IFNG: variants seen among roughly 807,000 people sequenced by gnomAD.
IFNG encodes interferon gamma, also known as IFN-gamma.
In IFNG, 8 loss-of-function variants were observed where a neutral mutation model predicts 14.4. That is an observed-to-expected ratio of 0.56 (90% CI 0.33 to 1.00). IFNG has a LOEUF of 1.00. Ranked by LOEUF, IFNG falls within the 50% of genes least tolerant of loss-of-function variation. IFNG has a pLI of 0.03. For missense variants in IFNG, 132 were observed against 194.9 expected, an observed-to-expected ratio of 0.68 and a Z score of 1.92; for synonymous variants, 73 against 65.4, an observed-to-expected ratio of 1.12 and a Z score of -0.56.
intron 3 of IFNG, among the ~76,000 whole-genome samples, chr12:68,156,715 C>T (rs1882607022): frequency 6.6e-6 from 1 of 152,018 alleles, no homozygotes; most frequent in African/African-American, 2.4e-5. Context: ...ACAGATTTTA[C>T]TTTCCAATGT....
At chr12:68,155,623 ACTT>A in intron 3 of IFNG, 136 bp from the exon 4 acceptor site, 1 of 640,532 alleles carries the variant, frequency 1.6e-6, no homozygotes, top group Non-Finnish European at 2.4e-6. Flanking sequence ...TACAATATTT[ACTT>A]CTTCAGCAGT....
chr12:68,159,397 A>G, intron 1 of IFNG, 105 bp downstream of exon 1: 1 of 588,686 alleles, frequency 1.7e-6, no homozygotes, highest in Non-Finnish European at 3.1e-6. Context: ...ACCAAATCTC[A>G]AAATGACTGC....
At position 68,157,908 on chromosome 12, in the gene IFNG, C is replaced by T. The variant is rs1187505800; in HGVS notation, c.366+5G>A. 1.3e-6 allele frequency: 2 copies of T among 1,583,074 alleles called. No homozygotes were observed. The highest frequency in any genetic ancestry group is 1.7e-6 in the Non-Finnish European group (2 of 1,161,884). ...AAACCAAAGAAAGAATTTAAATAGC[C>T]TCACCGAATAATTAGTCAGCTTTTC... On this transcript the variant is annotated splice_donor_5th_base_variant and intron_variant, in intron 3 of 3. Transcript: ENST00000229135.
chr12:68,158,327 G>C (rs2120747470), intron 1 of IFNG, 68 bp from the exon 2 acceptor site: 1 of 1,064,374 alleles, frequency 9.4e-7, no homozygotes, highest in African/African-American at 1.6e-5. Context: ...TATATTTCAA[G>C]TTTCATTGAA....
In IFNG at chr12:68,158,064, A is replaced by T. The variant is rs564666653; in HGVS notation, c.215T>A (p.Ile72Asn). 6.2e-7 allele frequency: 1 copy of T among 1,605,852 alleles called. No individual in the cohort carries two copies. Among genetic ancestry groups the T allele is most frequent in the East Asian group, 2.2e-5 (1 of 44,680 alleles). The stretch of plus-strand genomic sequence containing the variant: ...AAAAAGTTTGAAGTAAAAGGAGACA[A>T]TTTGGCTCTGCATTATTTTTCTGTC... ...ESDRKIMQSQ[I>N]VSFYFKLFKN... Residue 72 changes from isoleucine to asparagine, a missense_variant, in exon 3 of 4, where the codon ATT (isoleucine) becomes AAT (asparagine). By Grantham distance (149) the Ile-to-Asn change is moderately radical. Coordinates refer to ENST00000229135, the MANE Select transcript of IFNG (RefSeq NM_000619.3).
At position 68,158,110 on chromosome 12, in the gene IFNG, G is replaced by T; in HGVS notation, c.184-15C>A. The T allele has an allele frequency of 6.3e-7, 1 of 1,597,106 alleles. No homozygotes were observed. The highest frequency in any genetic ancestry group is 1.1e-5 in the South Asian group (1 of 88,006). On this transcript the variant is annotated splice_polypyrimidine_tract_variant and intron_variant, in intron 2 of 3. Coordinates refer to ENST00000229135, the MANE Select transcript of IFNG (RefSeq NM_000619.3). Reference sequence around the variant, plus strand: ...CTGTCACTCTCCTTGGAAGGAAAGAGCACAAACAGAGGATGATGTGAATTT... The same window carrying T: ...CTGTCACTCTCCTTGGAAGGAAAGATCACAAACAGAGGATGATGTGAATTT...
At chr12:68,156,026 G>C (rs1400841209) in intron 3 of IFNG, among the ~76,000 whole-genome samples, 1 of 152,148 alleles carries the variant, frequency 6.6e-6, no homozygotes, top group Non-Finnish European at 1.5e-5. Context: ...AGAGATCCAG[G>C]TGCATGAAGT....
chr12:68,159,630 T>C lies in IFNG; in HGVS notation c.-15A>G. 1 of 1,424,230 alleles carries C rather than the reference T, an allele frequency of 7.0e-7. No homozygotes were observed. Among genetic ancestry groups the C allele is most frequent in the Admixed American group, 1.8e-5 (1 of 57,046 alleles). The allele number at this position is 1,424,230 out of a possible 1,614,324, so 88.2% of individuals were successfully genotyped here. A position where few individuals can be genotyped will look rare whatever the true frequency, so the allele number is the denominator to read the frequency against. On this transcript the variant is annotated 5_prime_UTR_variant, in exon 1 of 4. Transcript: ENST00000229135. ...GTATATTTCATCGTTTCCGAGAGAA[T>C]TAAGCCAAAGAAGTTGAAATCAGTA...
At chr12:68,158,465 C>T (rs1882636237) in intron 1 of IFNG, among the ~76,000 whole-genome samples, 1 of 151,848 alleles carries the variant, frequency 6.6e-6, no homozygotes, top group Admixed American at 6.6e-5. Flanking sequence ...TTTTTATTTC[C>T]CAATATAACC....
At chr12:68,157,812 G>C (rs995587207) in intron 3 of IFNG, 101 bp downstream of exon 3, 24 of 870,324 alleles carry the variant, frequency 2.8e-5, no homozygotes, top group Non-Finnish European at 4.1e-5. Context: ...TGAGTTCATA[G>C]CTTTAGCAAC....
Position 68,159,585 on chromosome 12 carries a change from GA to G in IFNG, c.30del (p.Gln11SerfsTer18). 2 of 1,601,544 alleles carry G rather than the reference GA, an allele frequency of 1.2e-6. No homozygotes were observed. The highest frequency in any genetic ancestry group is 8.5e-7 in the Non-Finnish European group (1 of 1,170,780). On this transcript the variant is annotated frameshift_variant, in exon 1 of 4. Transcript: ENST00000229135. LOFTEE classifies it high-confidence loss of function. ...AGAGAACCCAAAACGATGCAGAGCTGAAAAGCCAAGATATAACTTGTATATT... is the reference window on the plus strand; with the variant it reads ...AGAGAACCCAAAACGATGCAGAGCTGAAAGCCAAGATATAACTTGTATATT... MKYTSYILA[F>X]QLCIVLGSLG...
chr12:68,156,351 C>T (rs1882601038), intron 3 of IFNG, among the ~76,000 whole-genome samples: 1 of 152,212 alleles, frequency 6.6e-6, no homozygotes. Flanking sequence ...CTCACTCTAA[C>T]CAATAGGGCC....
intron 1 of IFNG, among the ~76,000 whole-genome samples, chr12:68,158,584 AAC>A (rs1374927488): frequency 6.6e-6 from 1 of 152,228 alleles, no homozygotes; most frequent in African/African-American, 2.4e-5. Context: ...AAAATACAAA[AAC>A]AAAAAACAGC....
At position 68,159,726 on chromosome 12, in the gene IFNG, T is replaced by A; in HGVS notation, c.-111A>T. The A allele has an allele frequency of 1.7e-6, 1 of 592,796 alleles. No homozygotes were observed. The highest frequency in any genetic ancestry group is 2.8e-5 in the East Asian group (1 of 35,954). The allele number at this position is 592,796 out of a possible 1,614,324, so 36.7% of individuals were successfully genotyped here. A position where few individuals can be genotyped will look rare whatever the true frequency, so the allele number is the denominator to read the frequency against. ...TCTCTTCTAATAGCTGATCTTCAGA[T>A]GATCAGAACAATGTGCTGCACCTCC... On this transcript the variant is annotated 5_prime_UTR_variant, in exon 1 of 4. Coordinates refer to ENST00000229135, the MANE Select transcript of IFNG (RefSeq NM_000619.3).
chr12:68,156,086 A>G (rs1882596584), intron 3 of IFNG, among the ~76,000 whole-genome samples: 1 of 152,214 alleles, frequency 6.6e-6, no homozygotes, highest in African/African-American at 2.4e-5. Flanking sequence ...TGATTCTGAC[A>G]TCCACCTAAG....
Position 68,155,161 on chromosome 12 carries a change from G to C in IFNG, c.*192C>G. ...TTAGTCAGAAAACAAAGGATTAAGT[G>C]AGACAGTCACAGGATATAGGAATTA... On this transcript the variant is annotated 3_prime_UTR_variant, in exon 4 of 4. Coordinates refer to ENST00000229135, the MANE Select transcript of IFNG (RefSeq NM_000619.3). The C allele has an allele frequency of 2.7e-6, 1 of 372,322 alleles. No homozygotes were observed. Among genetic ancestry groups the C allele is most frequent in the East Asian group, 4.7e-5 (1 of 21,304 alleles). 23.1% of individuals were successfully genotyped at this position (372,322 alleles called of 1,614,324 possible). A position where few individuals can be genotyped will look rare whatever the true frequency, so the allele number is the denominator to read the frequency against.
In IFNG at chr12:68,159,481, C is replaced by T. The variant is rs565663279; in HGVS notation, c.114+21G>A. ...AGTCATTTTCAACCACAAACAAGTACTATTAAAAAGTCATACTTACAAAAT... is the reference window on the plus strand; with the variant it reads ...AGTCATTTTCAACCACAAACAAGTATTATTAAAAAGTCATACTTACAAAAT... On this transcript the variant is annotated intron_variant, in intron 1 of 3. Coordinates refer to ENST00000229135, the MANE Select transcript of IFNG (RefSeq NM_000619.3). 29 of 1,154,734 alleles carry T rather than the reference C, an allele frequency of 2.5e-5. No homozygotes were observed. The African/African-American group carries it at 3.2e-4, about 13-fold the overall frequency. 71.5% of individuals were successfully genotyped at this position (1,154,734 alleles called of 1,614,324 possible). A position where few individuals can be genotyped will look rare whatever the true frequency, so the allele number is the denominator to read the frequency against.
chr12:68,157,766 G>A (rs1041514313), intron 3 of IFNG, 147 bp downstream of exon 3: 6 of 579,064 alleles, frequency 1.0e-5, no homozygotes, highest in East Asian at 8.3e-5. Flanking sequence ...ACCCAAACAC[G>A]AATGGAAATA....
intron 3 of IFNG, among the ~76,000 whole-genome samples, chr12:68,156,145 A>G (rs1882597919): frequency 6.6e-6 from 1 of 152,238 alleles, no homozygotes; most frequent in Non-Finnish European, 1.5e-5. Context: ...CACCAAATCC[A>G]AAACGAGTGA....
Sources: gnomAD v4.1 joint callset for allele counts (sites outside exome capture counted in the v4.1 genomes callset) on GRCh38, gnomAD v4.1.1 for gene constraint, MANE v1.5 for transcripts, NCBI Gene and HGNC (gene_info 2026-07-23, HGNC 2026-07-21) for gene names.